Variants in CDK17 observed in about 807,000 individuals in gnomAD.
CDK17 encodes the protein cyclin-dependent kinase 17.
A neutral mutation model predicts 77.6 loss-of-function variants in CDK17; 24 were observed. The observed-to-expected ratio is 0.31, with a 90% confidence interval of 0.22 to 0.44. The LOEUF (loss-of-function observed/expected upper bound fraction) is 0.44. CDK17 is among the 20% of genes least tolerant of loss of function. CDK17 has a pLI of 1.00. For missense variants in CDK17, 429 were observed against 622.5 expected (o/e 0.69, Z 3.31); for synonymous variants, 203 against 210.4 (o/e 0.96, Z 0.30).
At chr12:96,372,333 GA>G (rs548458621) in intron 1 of CDK17, among the ~76,000 whole-genome samples, 167 of 152,118 alleles carry the variant, frequency 1.1e-3, no homozygotes, top group Admixed American at 1.7e-3. Context: ...CAAAGATATT[GA>G]AAAGGCCTCA....
intron 1 of CDK17, among the ~76,000 whole-genome samples, chr12:96,374,397 A>G (rs1953745654): frequency 6.6e-6 from 1 of 152,154 alleles, no homozygotes; most frequent in Non-Finnish European, 1.5e-5. Context: ...CCTTACAAGA[A>G]CTTTGTGTTC....
intron 1 of CDK17, among the ~76,000 whole-genome samples, chr12:96,399,656 G>A (rs1954226915): frequency 6.6e-6 from 1 of 152,234 alleles, no homozygotes; most frequent in Admixed American, 6.5e-5. Context: ...CGAGGAGACC[G>A]GCCTCCCCCG....
At chr12:96,284,806 C>T (rs533501984) in intron 13 of CDK17, among the ~76,000 whole-genome samples, 195 of 152,148 alleles carry the variant, frequency 1.3e-3, no homozygotes, top group African/African-American at 4.6e-3. Context: ...TCAGGTGATC[C>T]GCCTGCCTTG....
chr12:96,342,430 T>C (rs1050867425), intron 1 of CDK17, among the ~76,000 whole-genome samples: 2 of 152,094 alleles, frequency 1.3e-5, no homozygotes, highest in South Asian at 2.1e-4. Flanking sequence ...GGCGTGGTGG[T>C]GTGCACCTGT....
At chr12:96,308,557 C>T (rs1952606092) in intron 5 of CDK17, among the ~76,000 whole-genome samples, 1 of 151,828 alleles carries the variant, frequency 6.6e-6, no homozygotes, top group East Asian at 1.9e-4. Flanking sequence ...GGTGAAATCA[C>T]ATCTCTACTA....
chr12:96,342,702 C>T lies in CDK17; in HGVS notation c.-29-7837G>A, dbSNP rs11108473. On this transcript the variant is annotated intron_variant, in intron 1 of 16. Coordinates refer to ENST00000261211, the MANE Select transcript of CDK17 (RefSeq NM_002595.5). ...ATCCTTGGCCAAGTGTGGTGGCTCA[C>T]GACTGTAATCTCAGCAATTTGGGAG... Among the ~76,000 whole-genome samples the T allele has an allele frequency of 1.2e-4, 19 of 152,264 alleles. No individual in the cohort carries two copies. In the South Asian group the frequency reaches 3.5e-3, roughly 28 times the overall value.
chr12:96,302,542 C>G (rs573599530), intron 5 of CDK17, among the ~76,000 whole-genome samples: 1 of 151,896 alleles, frequency 6.6e-6, no homozygotes, highest in East Asian at 1.9e-4. Flanking sequence ...AGAATAAATG[C>G]AAACTAGTAT....
In CDK17 at chr12:96,307,164, G is replaced by A. The variant is rs1225915843; in HGVS notation, c.543+3888C>T. On this transcript the variant is annotated intron_variant, in intron 5 of 16. Transcript: ENST00000261211. ...TACAAAATTAGCCGGGTGTGGTGGC[G>A]CATGCCTGTAATCCCAGCTACTCGG... 7.2e-5 allele frequency among the ~76,000 whole-genome samples: 11 copies of A among 152,070 alleles called. No homozygotes were observed. The South Asian group carries it at 8.3e-4, about 11-fold the overall frequency.
chr12:96,383,195 A>G (rs1479386147), intron 1 of CDK17, among the ~76,000 whole-genome samples: 2 of 152,174 alleles, frequency 1.3e-5, no homozygotes, highest in Non-Finnish European at 2.9e-5. Context: ...CTAGTATTAC[A>G]TCTAACCAAG....
rs1421255003 is a variant in CDK17 at position 96,380,277 on chromosome 12, T to C, written c.-30+19709A>G. Among the ~76,000 whole-genome samples the C allele has an allele frequency of 2.6e-5, 3 of 113,984 alleles. No homozygotes were observed. The Admixed American group carries it at 3.5e-4, about 13-fold the overall frequency. The allele number at this position is 113,984 out of a possible 152,430, so 74.8% of individuals were successfully genotyped here. A position where few individuals can be genotyped will look rare whatever the true frequency, so the allele number is the denominator to read the frequency against. On this transcript the variant is annotated intron_variant, in intron 1 of 16. Transcript: ENST00000261211. ...CAAAAAAGGCACAAGTAGCTCTTTT[T>C]AGCTGGTTTTTTTTTTTTTTTTTGA...
At chr12:96,361,939 TTTC>T (rs1953498736) in intron 1 of CDK17, among the ~76,000 whole-genome samples, 1 of 152,230 alleles carries the variant, frequency 6.6e-6, no homozygotes. Context: ...AAATAGCTTT[TTTC>T]TTTAGACCAA....
At chr12:96,322,401 G>GTATTTTT (rs1207087012) in intron 3 of CDK17, among the ~76,000 whole-genome samples, 1 of 150,760 alleles carries the variant, frequency 6.6e-6, no homozygotes, top group Non-Finnish European at 1.5e-5. Flanking sequence ...AATGTTTTTT[G>GTATTTTT]TATTTTTAAA....
chr12:96,302,515 GA>G (rs1315986249), intron 5 of CDK17, among the ~76,000 whole-genome samples: 23 of 151,888 alleles, frequency 1.5e-4, no homozygotes, highest in South Asian at 4.2e-4. Context: ...TTTTATGGGG[GA>G]AAAAACACTA....
chr12:96,392,544 C>T (rs576537257), intron 1 of CDK17, among the ~76,000 whole-genome samples: 2 of 152,240 alleles, frequency 1.3e-5, no homozygotes, highest in South Asian at 2.1e-4. Flanking sequence ...TTAAAATTAA[C>T]AGGACTTGGT....
In CDK17 at chr12:96,318,699, A is replaced by C. The variant is rs1215443223; in HGVS notation, c.284-5245T>G. Among the ~76,000 whole-genome samples the C allele has an allele frequency of 1.7e-4, 25 of 146,036 alleles. No homozygotes were observed. In the East Asian group the frequency reaches 4.6e-3, roughly 27 times the overall value. ...CTGAACAACCTGCTCCTGAATGACT[A>C]CTGGGTACATAACGAAATGAAGGCA... On this transcript the variant is annotated intron_variant, in intron 3 of 16. Coordinates refer to ENST00000261211, the MANE Select transcript of CDK17 (RefSeq NM_002595.5).
chr12:96,289,882 A>G (rs1952299166), intron 10 of CDK17, among the ~76,000 whole-genome samples: 1 of 152,196 alleles, frequency 6.6e-6, no homozygotes, highest in Admixed American at 6.5e-5. Flanking sequence ...ATTCTGGAGT[A>G]AGACAGACTT....
intron 2 of CDK17, among the ~76,000 whole-genome samples, chr12:96,325,335 T>A (rs1952878664): frequency 6.6e-6 from 1 of 152,216 alleles, no homozygotes; most frequent in Non-Finnish European, 1.5e-5. Context: ...CTTCTGCAGT[T>A]AACAATCAGG....
intron 1 of CDK17, among the ~76,000 whole-genome samples, chr12:96,382,016 T>A (rs555152282): frequency 6.6e-6 from 1 of 152,254 alleles, no homozygotes; most frequent in South Asian, 2.1e-4. Flanking sequence ...GGCACATTAT[T>A]CGTGGTACTG....
chr12:96,366,282 A>G (rs1565837716), intron 1 of CDK17, among the ~76,000 whole-genome samples: 3 of 152,200 alleles, frequency 2.0e-5, no homozygotes, highest in Non-Finnish European at 2.9e-5. Flanking sequence ...ACATCCATTT[A>G]TTGTATGAAC....
Sources: allele counts gnomAD v4.1 joint callset (sites outside exome capture counted in the v4.1 genomes callset), GRCh38; gene constraint gnomAD v4.1.1; transcripts MANE v1.5; gene names NCBI Gene and HGNC (gene_info 2026-07-23, HGNC 2026-07-21).